The following ARHGAP6 variants were observed in gnomAD, a reference collection of about 807,000 sequenced individuals.
The protein encoded by ARHGAP6 is Rho GTPase activating protein 6, also known as rho GTPase-activating protein 6.
Under a neutral mutation model 55.7 loss-of-function variants are expected in ARHGAP6, and 16 were observed. The ratio of observed to expected loss-of-function variants is 0.29; its 90% CI spans 0.19 to 0.44. The LOEUF is 0.44. Among genes scored for constraint, ARHGAP6 ranks in the 20% least tolerant of loss-of-function variants. ARHGAP6 has a pLI of 1.00. For synonymous variants in ARHGAP6, 382 were observed against 360.9 expected, an observed-to-expected ratio of 1.06 and a Z score of -0.66; for missense variants, 698 against 808.9, an observed-to-expected ratio of 0.86 and a Z score of 1.66.
intron 1 of ARHGAP6, among the ~76,000 whole-genome samples, chrX:11,587,970 G>C (rs6654943): frequency 0.27 from 29,865 of 111,055 alleles, 3,078 homozygotes; most frequent in Middle Eastern, 0.4. Flanking sequence ...ACCCCTCTGC[G>C]TTCTCCATGA....
rs773007200 is a variant in ARHGAP6, at chrX:11,639,676, A to G, written c.588+24565T>C. 5.4e-5 allele frequency among the ~76,000 whole-genome samples: 6 copies of G among 111,264 alleles called. No homozygotes were observed. In the East Asian group the frequency reaches 1.7e-3, roughly 31 times the overall value. On this transcript the variant is annotated intron_variant, in intron 1 of 12. Coordinates refer to ENST00000337414, the MANE Select transcript of ARHGAP6 (RefSeq NM_013427.3). ...ACTTCATTTTTGTTATATACTTTAC[A>G]GTATATATCTGTGAGAGAAAAAGAA...
At chrX:11,517,539 G>A (rs1019444076) in intron 1 of ARHGAP6, among the ~76,000 whole-genome samples, 2 of 111,380 alleles carry the variant, frequency 1.8e-5, no homozygotes, top group Non-Finnish European at 3.8e-5. Context: ...TTAAGAGAAT[G>A]TTAAAATGGT....
At chrX:11,545,801 T>C (rs940248657) in intron 1 of ARHGAP6, among the ~76,000 whole-genome samples, 3 of 111,339 alleles carry the variant, frequency 2.7e-5, no homozygotes, top group African/African-American at 9.8e-5. Flanking sequence ...ATTCACAGAG[T>C]AAGTACTTAC....
At chrX:11,525,805 A>G (rs1418097818) in intron 1 of ARHGAP6, among the ~76,000 whole-genome samples, 1 of 111,311 alleles carries the variant, frequency 9.0e-6, no homozygotes. Context: ...CAGAGGAAAA[A>G]ATCTACGTAA....
chrX:11,565,668 G>C (rs978948656), intron 1 of ARHGAP6, among the ~76,000 whole-genome samples: 1 of 112,408 alleles, frequency 8.9e-6, no homozygotes, highest in Non-Finnish European at 1.9e-5. Context: ...CTAATTTCTT[G>C]AATGCTAGTT....
intron 1 of ARHGAP6, among the ~76,000 whole-genome samples, chrX:11,539,263 A>G: frequency 8.9e-6 from 1 of 112,007 alleles, no homozygotes; most frequent in East Asian, 2.8e-4. Context: ...TCTCCAGACA[A>G]TGCAATATCT....
chrX:11,174,554 C>T (rs2046145156), intron 8 of ARHGAP6, among the ~76,000 whole-genome samples: 2 of 82,395 alleles, frequency 2.4e-5, no homozygotes, highest in African/African-American at 8.6e-5. Context: ...TCCTTCCTTC[C>T]TTCCTTCCTT....
At chrX:11,319,370 C>T (rs2048401371) in intron 1 of ARHGAP6, among the ~76,000 whole-genome samples, 1 of 111,793 alleles carries the variant, frequency 8.9e-6, no homozygotes, top group Admixed American at 9.5e-5. Context: ...CTTGTTAAAA[C>T]ACAGATTACT....
intron 1 of ARHGAP6, among the ~76,000 whole-genome samples, chrX:11,567,891 T>C (rs2051464543): frequency 9.0e-6 from 1 of 110,820 alleles, no homozygotes; most frequent in Admixed American, 9.7e-5. Context: ...TTGCCCACGC[T>C]GGTCTCGAGC....
chrX:11,368,961 C>T (rs1033798353), intron 1 of ARHGAP6, among the ~76,000 whole-genome samples: 2 of 111,592 alleles, frequency 1.8e-5, no homozygotes, highest in Non-Finnish European at 3.8e-5. Flanking sequence ...GCCCATATGT[C>T]CCAGTTTGCT....
chrX:11,609,501 G>A (rs903190043), intron 1 of ARHGAP6, among the ~76,000 whole-genome samples: 3 of 111,456 alleles, frequency 2.7e-5, no homozygotes, highest in African/African-American at 6.5e-5. Flanking sequence ...TCAGGTTGCC[G>A]CTATAAACAA....
At chrX:11,297,435 CA>C (rs1410028211) in intron 1 of ARHGAP6, among the ~76,000 whole-genome samples, 1 of 111,874 alleles carries the variant, frequency 8.9e-6, no homozygotes, top group Non-Finnish European at 1.9e-5. Context: ...TTATAATAAC[CA>C]TATTTCAAAA....
At chrX:11,491,412 T>G (rs113320154) in intron 1 of ARHGAP6, among the ~76,000 whole-genome samples, 7,593 of 107,784 alleles carry the variant, frequency 0.07, 345 homozygotes, top group East Asian at 0.17. Context: ...CCCTTCCTGT[T>G]TCCATGTGTT....
chrX:11,629,243 C>T (rs1257670716), intron 1 of ARHGAP6, among the ~76,000 whole-genome samples: 1 of 111,806 alleles, frequency 8.9e-6, no homozygotes, highest in Non-Finnish European at 1.9e-5. Context: ...CCAGAGAATT[C>T]TGTATTTGCA....
intron 1 of ARHGAP6, among the ~76,000 whole-genome samples, chrX:11,309,522 G>T (rs1310024630): frequency 9.0e-6 from 1 of 111,286 alleles, no homozygotes; most frequent in South Asian, 3.9e-4. Flanking sequence ...CCCAGGCACA[G>T]AAGGCTGAAA....
At chrX:11,249,642 T>A (rs963700403) in intron 2 of ARHGAP6, among the ~76,000 whole-genome samples, 3 of 111,986 alleles carry the variant, frequency 2.7e-5, no homozygotes, top group Admixed American at 9.5e-5. Context: ...TCTTTTCAAA[T>A]CTATTTATAC....
At chrX:11,360,258 T>C (rs1372534232) in intron 1 of ARHGAP6, among the ~76,000 whole-genome samples, 3 of 112,014 alleles carry the variant, frequency 2.7e-5, no homozygotes, top group African/African-American at 9.7e-5. Context: ...AAATCCTCAA[T>C]AAAATACTGG....
chrX:11,428,039 C>T (rs1291274061), intron 1 of ARHGAP6, among the ~76,000 whole-genome samples: 1 of 112,612 alleles, frequency 8.9e-6, no homozygotes, highest in East Asian at 2.8e-4. Flanking sequence ...TCCCCGGACC[C>T]GTGGGACCCC....
At chrX:11,549,074 G>A (rs1459961845) in intron 1 of ARHGAP6, among the ~76,000 whole-genome samples, 1 of 112,282 alleles carries the variant, frequency 8.9e-6, no homozygotes, top group Non-Finnish European at 1.9e-5. Context: ...AGTTCTTCAG[G>A]ACATTAAGAC....
Sources: gnomAD v4.1 joint callset for allele counts (sites outside exome capture counted in the v4.1 genomes callset) on GRCh38, gnomAD v4.1.1 for gene constraint, MANE v1.5 for transcripts, NCBI Gene and HGNC (gene_info 2026-07-23, HGNC 2026-07-21) for gene names.